The following GABRG3 variants were observed in gnomAD, a reference collection of about 807,000 sequenced individuals.
GABRG3 encodes the protein gamma-aminobutyric acid type A receptor subunit gamma3.
A neutral mutation model predicts 48.8 loss-of-function variants in GABRG3; 25 were observed. The observed-to-expected ratio is 0.51, with a 90% CI of 0.37 to 0.72. GABRG3 has a LOEUF of 0.72. Among genes scored for constraint, GABRG3 ranks in the 30% least tolerant of loss-of-function variants. The pLI, the probability that GABRG3 is intolerant of heterozygous loss-of-function variation, is 0.00. For synonymous variants in GABRG3, 227 were observed against 217.6 expected (o/e 1.04, Z -0.38); for missense variants, 394 against 577.9 (o/e 0.68, Z 3.26).
chr15:27,309,049 T>C (rs79360123), intron 3 of GABRG3, among the ~76,000 whole-genome samples: 3,996 of 151,228 alleles, frequency 0.026, 138 homozygotes, highest in East Asian at 0.088. Flanking sequence ...CATATGTTTA[T>C]ATAGAAACAC....
chr15:27,287,557 A>G (rs1479594228), intron 3 of GABRG3, among the ~76,000 whole-genome samples: 4 of 152,148 alleles, frequency 2.6e-5, no homozygotes, highest in Non-Finnish European at 4.4e-5. Flanking sequence ...ATACCTTATA[A>G]TTATACCATT....
Position 27,347,061 on chromosome 15 carries a change from A to G in GABRG3, c.574+18173A>G, listed in dbSNP as rs149555706. ...ACCGTGAGGTAAATAGTCCATTAGG[A>G]TGAGAATTCATGTTGGTCTGACTAG... On this transcript the variant is annotated intron_variant, in intron 5 of 9. Coordinates refer to ENST00000615808, the MANE Select transcript of GABRG3 (RefSeq NM_033223.5). Among the ~76,000 whole-genome samples the G allele has an allele frequency of 2.6e-3, 395 of 151,542 alleles. 7 individuals carry two copies. Among genetic ancestry groups the G allele is most frequent in the Admixed American group, 0.024 (368 of 15,208 alleles).
chr15:27,393,756 T>C (rs1449719262), intron 5 of GABRG3, among the ~76,000 whole-genome samples: 2 of 152,196 alleles, frequency 1.3e-5, no homozygotes, highest in Admixed American at 1.3e-4. Context: ...CACTCCTTTC[T>C]GTTGAGCATA....
Position 27,536,762 on chromosome 15 carries a change from A to C in GABRG3, c.*3881A>C, listed in dbSNP as rs1891555252. ...CAGGCATGTTGCTTCGTTGTTCTGC[A>C]ATATAACCACACTCGAAGCAACAGG... On this transcript the variant is annotated 3_prime_UTR_variant, in exon 10 of 10. Transcript: ENST00000615808. 2 of 152,172 alleles carry C rather than the reference A, an allele frequency of 1.3e-5. No individual in the cohort carries two copies. Among genetic ancestry groups the C allele is most frequent in the South Asian group, 4.2e-4 (2 of 4,816 alleles). 9.4% of individuals were successfully genotyped at this position (152,172 alleles called of 1,614,324 possible).
At chr15:27,272,394 G>A (rs1387878805) in intron 3 of GABRG3, among the ~76,000 whole-genome samples, 2 of 152,238 alleles carry the variant, frequency 1.3e-5, no homozygotes, top group African/African-American at 4.8e-5. Flanking sequence ...GTGACATACA[G>A]TTTGGGCTCT....
chr15:27,077,233 G>A (rs1484120138), intron 3 of GABRG3, among the ~76,000 whole-genome samples: 1 of 152,176 alleles, frequency 6.6e-6, no homozygotes, highest in Non-Finnish European at 1.5e-5. Flanking sequence ...GGGTATCACT[G>A]TGTTGCAGCG....
At chr15:27,367,098 G>A (rs933401393) in intron 5 of GABRG3, among the ~76,000 whole-genome samples, 4 of 152,058 alleles carry the variant, frequency 2.6e-5, no homozygotes, top group African/African-American at 9.7e-5. Flanking sequence ...CTTTCCGCAG[G>A]TCTCCCTGAC....
intron 5 of GABRG3, among the ~76,000 whole-genome samples, chr15:27,436,436 C>T (rs1049230723): frequency 1.3e-5 from 2 of 152,126 alleles, no homozygotes; most frequent in East Asian, 3.9e-4. Flanking sequence ...ATGGGTGTTA[C>T]AGAGGAGATG....
chr15:27,140,095 A>G (rs2140389094), intron 3 of GABRG3, among the ~76,000 whole-genome samples: 1 of 152,184 alleles, frequency 6.6e-6, no homozygotes. Context: ...ATATTTTGCA[A>G]TATCCTTTAT....
Position 27,322,382 on chromosome 15 carries a change from G to A in GABRG3, c.271-4427G>A, listed in dbSNP as rs146102520. On this transcript the variant is annotated intron_variant, in intron 3 of 9. Coordinates refer to ENST00000615808, the MANE Select transcript of GABRG3 (RefSeq NM_033223.5). Reference sequence around the variant, plus strand: ...GGACAGGGGTGGGGATTCCCGCCTTGCTCTGCAAGCCTCCACCTCATGGAT... The same window carrying A: ...GGACAGGGGTGGGGATTCCCGCCTTACTCTGCAAGCCTCCACCTCATGGAT... 2.6e-3 allele frequency among the ~76,000 whole-genome samples: 398 copies of A among 152,246 alleles called. 2 individuals are homozygous for A. The highest frequency in any genetic ancestry group is 4.3e-3 in the Non-Finnish European group (293 of 68,024).
chr15:27,308,781 A>C (rs1566775167), intron 3 of GABRG3, among the ~76,000 whole-genome samples: 1 of 150,042 alleles, frequency 6.7e-6, no homozygotes, highest in Non-Finnish European at 1.5e-5. Flanking sequence ...TATATATAAA[A>C]CACAATGTAA....
chr15:27,466,601 A>T (rs1254053806), intron 5 of GABRG3, among the ~76,000 whole-genome samples: 1 of 152,254 alleles, frequency 6.6e-6, no homozygotes, highest in Admixed American at 6.5e-5. Flanking sequence ...GGAAGCTACC[A>T]CTTAACACTT....
At chr15:27,409,506 A>C (rs1234984933) in intron 5 of GABRG3, among the ~76,000 whole-genome samples, 1 of 152,208 alleles carries the variant, frequency 6.6e-6, no homozygotes, top group East Asian at 1.9e-4. Context: ...CTATATAATT[A>C]ATCTTAACAT....
At chr15:27,223,109 A>G (rs1462578846) in intron 3 of GABRG3, among the ~76,000 whole-genome samples, 1 of 152,234 alleles carries the variant, frequency 6.6e-6, no homozygotes, top group Non-Finnish European at 1.5e-5. Flanking sequence ...TTAAAGATGC[A>G]ACATCCATTT....
At chr15:27,242,455 T>G (rs937996975) in intron 3 of GABRG3, among the ~76,000 whole-genome samples, 24 of 152,206 alleles carry the variant, frequency 1.6e-4, no homozygotes, top group Non-Finnish European at 2.9e-4. Flanking sequence ...GACAATCCAG[T>G]GAGGTCTTGC....
intron 5 of GABRG3, among the ~76,000 whole-genome samples, chr15:27,415,000 C>A (rs1275139460): frequency 6.6e-6 from 1 of 152,068 alleles, no homozygotes; most frequent in Non-Finnish European, 1.5e-5. Context: ...GCTTAAGGTC[C>A]TCTGAGCTTC....
At chr15:27,094,153 G>A (rs1383548350) in intron 3 of GABRG3, among the ~76,000 whole-genome samples, 1 of 152,130 alleles carries the variant, frequency 6.6e-6, no homozygotes, top group African/African-American at 2.4e-5. Context: ...CACGAGTCCT[G>A]TCCTGGGTTC....
chr15:27,277,079 A>C (rs1286853779), intron 3 of GABRG3, among the ~76,000 whole-genome samples: 2 of 152,274 alleles, frequency 1.3e-5, no homozygotes, highest in Non-Finnish European at 2.9e-5. Context: ...GTCTGCAGCC[A>C]GGGGCTGACA....
chr15:27,523,947 T>C (rs981005915), intron 7 of GABRG3, among the ~76,000 whole-genome samples: 7 of 151,638 alleles, frequency 4.6e-5, no homozygotes, highest in Non-Finnish European at 1.0e-4. Flanking sequence ...AAAAGAGAAA[T>C]AGAATGGGGC....
Sources: allele counts gnomAD v4.1 joint callset (sites outside exome capture counted in the v4.1 genomes callset), GRCh38; gene constraint gnomAD v4.1.1; transcripts MANE v1.5; gene names NCBI Gene and HGNC (gene_info 2026-07-23, HGNC 2026-07-21).